MAD1L1: variants seen among roughly 807,000 people sequenced by gnomAD.
The protein encoded by MAD1L1 is mitotic spindle assembly checkpoint protein MAD1.
In MAD1L1, 95 loss-of-function variants were observed where a neutral mutation model predicts 96.9. The ratio of observed to expected loss-of-function variants is 0.98; its 90% CI spans 0.83 to 1.16. MAD1L1 has a LOEUF of 1.16. MAD1L1 is among the 50% of genes most tolerant of loss of function. MAD1L1 has a pLI of 0.00. For missense variants in MAD1L1, 1,007 were observed against 954.4 expected (o/e 1.06, Z -0.73); for synonymous variants, 473 against 396.6 (o/e 1.19, Z -2.29).
At chr7:2,168,487 C>T (rs1197812698) in intron 10 of MAD1L1, among the ~76,000 whole-genome samples, 1 of 152,262 alleles carries the variant, frequency 6.6e-6, no homozygotes, top group Non-Finnish European at 1.5e-5. Flanking sequence ...AGCCATGCAC[C>T]TGCAGGCCTG....
chr7:1,878,574 A>G (rs1785506268), intron 18 of MAD1L1, among the ~76,000 whole-genome samples: 1 of 151,376 alleles, frequency 6.6e-6, no homozygotes, highest in Non-Finnish European at 1.5e-5. Context: ...AATAGATGTA[A>G]AAAAAAAAAC....
intron 18 of MAD1L1, among the ~76,000 whole-genome samples, chr7:1,822,116 C>G (rs112588338): frequency 6.6e-6 from 1 of 152,068 alleles, no homozygotes; most frequent in South Asian, 2.1e-4. Flanking sequence ...AGTGAGTCCA[C>G]GAAGGTTGCA....
At chr7:2,180,635 A>T (rs2128600746) in intron 10 of MAD1L1, among the ~76,000 whole-genome samples, 1 of 152,340 alleles carries the variant, frequency 6.6e-6, no homozygotes, top group Admixed American at 6.5e-5. Flanking sequence ...CCAATGAGAA[A>T]ATTAGACAAA....
chr7:1,826,124 G>A (rs557174517), intron 18 of MAD1L1, among the ~76,000 whole-genome samples: 36 of 152,260 alleles, frequency 2.4e-4, no homozygotes, highest in South Asian at 6.2e-4. Context: ...CTGTTAGACC[G>A]GGATACCGAG....
intron 18 of MAD1L1, among the ~76,000 whole-genome samples, chr7:1,889,293 C>G (rs1233844432): frequency 6.6e-6 from 1 of 152,248 alleles, no homozygotes; most frequent in Non-Finnish European, 1.5e-5. Context: ...AAGACCACCT[C>G]CATTCAGCAA....
chr7:1,869,197 G>T (rs978730619), intron 18 of MAD1L1, among the ~76,000 whole-genome samples: 38 of 152,240 alleles, frequency 2.5e-4, no homozygotes, highest in African/African-American at 8.7e-4. Context: ...AGGCACACAC[G>T]CTGCTGTGGG....
At position 2,215,933 on chromosome 7, in the gene MAD1L1, G is replaced by A; in HGVS notation, c.876C>T (p.Arg292=). The A allele has an allele frequency of 6.2e-7, 1 of 1,614,128 alleles. No individual in the cohort carries two copies. Among genetic ancestry groups the A allele is most frequent in the African/African-American group, 1.3e-5 (1 of 75,034 alleles). ...ELEGLQRKLG[R]QEKMQETLVG... is the part of the protein sequence containing the mutation. ...CCAGCGTCTCCTGCATCTTCTCCTG[G>A]CGCCCCAGCTTCCTCTGCAGCCCTT... Residue 292 remains arginine, a synonymous_variant, in exon 9 of 19, where the codon CGC becomes CGT. Coordinates refer to ENST00000265854, the MANE Select transcript of MAD1L1 (RefSeq NM_001013836.2).
rs908938891 is a variant in MAD1L1 at position 1,824,606 on chromosome 7, C to T, written c.1999-8378G>A. 2.6e-5 allele frequency among the ~76,000 whole-genome samples: 4 copies of T among 152,308 alleles called. No individual in the cohort carries two copies. In the East Asian group the frequency reaches 7.7e-4, roughly 29 times the overall value. On this transcript the variant is annotated intron_variant, in intron 18 of 18. Coordinates refer to ENST00000265854, the MANE Select transcript of MAD1L1 (RefSeq NM_001013836.2). The stretch of plus-strand genomic sequence containing the variant: ...ACTGGTTGTCTGCCAGGCCCCGGAG[C>T]CCCCAGGCTTCCCACAGAGGCTCCC...
chr7:1,827,765 C>T lies in MAD1L1; in HGVS notation c.1999-11537G>A, dbSNP rs1199463482. ...GGGTCCTCCCCTCCTGAGCCCGTCCCGGGTGTGGGGTCCTCCCCTCCTGAG... is the reference window on the plus strand; with the variant it reads ...GGGTCCTCCCCTCCTGAGCCCGTCCTGGGTGTGGGGTCCTCCCCTCCTGAG... On this transcript the variant is annotated intron_variant, in intron 18 of 18. Transcript: ENST00000265854. Among the ~76,000 whole-genome samples, 3 of 130,632 alleles carry T rather than the reference C, an allele frequency of 2.3e-5. No homozygotes were observed. The South Asian group carries it at 7.8e-4, about 34-fold the overall frequency. 85.7% of individuals were successfully genotyped at this position (130,632 alleles called of 152,430 possible). A position where few individuals can be genotyped will look rare whatever the true frequency, so the allele number is the denominator to read the frequency against.
At chr7:2,187,585 C>T (rs1345108071) in intron 10 of MAD1L1, among the ~76,000 whole-genome samples, 2 of 152,288 alleles carry the variant, frequency 1.3e-5, no homozygotes, top group African/African-American at 4.8e-5. Flanking sequence ...CCTCCCACCT[C>T]AACTTTCCGA....
chr7:1,936,810 T>C lies in MAD1L1; in HGVS notation c.1684A>G (p.Ser562Gly). 1.9e-6 allele frequency: 3 copies of C among 1,598,506 alleles called. No homozygotes were observed. The highest frequency in any genetic ancestry group is 2.6e-6 in the Non-Finnish European group (3 of 1,173,500). ...CGCTCGCACTCCGCCTGCAGCTGGC[T>C]GTGGTCCTCGCGCAGGCGCTGCCTG... Reference protein sequence around the residue: ...VARQRLREDHSQLQAECERLR... With the variant: ...VARQRLREDHGQLQAECERLR... The change falls in exon 17 of 19, where the codon AGC becomes GGC. Residue 562 changes from serine (S) to glycine (G), a missense_variant. By Grantham distance (56) the Ser-to-Gly change is moderately conservative. Coordinates refer to ENST00000265854, the MANE Select transcript of MAD1L1 (RefSeq NM_001013836.2).
At chr7:2,044,381 C>T (rs184554689) in intron 12 of MAD1L1, among the ~76,000 whole-genome samples, 1 of 152,300 alleles carries the variant, frequency 6.6e-6, no homozygotes, top group East Asian at 1.9e-4. Flanking sequence ...CCTGAGAGGA[C>T]GCTCCTGCCA....
intron 16 of MAD1L1, among the ~76,000 whole-genome samples, chr7:1,938,058 ACGG>A (rs1562541346): frequency 0.033 from 28 of 850 alleles, 7 homozygotes; most frequent in South Asian, 0.3. Context: ...TCAGCCGCCC[ACGG>A]CAGGGAGGTG....
intron 17 of MAD1L1, among the ~76,000 whole-genome samples, chr7:1,906,530 C>G (rs771631797): frequency 6.6e-6 from 1 of 152,260 alleles, no homozygotes; most frequent in Non-Finnish European, 1.5e-5. Flanking sequence ...GTCTCTGGCT[C>G]CTGTTCTCCG....
At position 1,815,921 on chromosome 7, in the gene MAD1L1, C is replaced by T. The variant is rs551628694; in HGVS notation, c.*149G>A. 9.2e-5 allele frequency: 88 copies of T among 954,950 alleles called. No homozygotes were observed. The East Asian group carries it at 9.5e-4, about 10-fold the overall frequency. The allele number at this position is 954,950 out of a possible 1,614,324, so 59.2% of individuals were successfully genotyped here. On this transcript the variant is annotated 3_prime_UTR_variant, in exon 19 of 19. Coordinates refer to ENST00000265854, the MANE Select transcript of MAD1L1 (RefSeq NM_001013836.2). ...GTGCTGGCCGCCCCAGCAGGAAGCC[C>T]GACGTAGGTCCCAGCGTGTCTGTCA...
intron 11 of MAD1L1, among the ~76,000 whole-genome samples, chr7:2,090,170 G>C (rs1488686661): frequency 1.3e-5 from 2 of 152,230 alleles, no homozygotes; most frequent in Non-Finnish European, 2.9e-5. Context: ...AAAGGCTAGT[G>C]CCGAGCAGGC....
intron 13 of MAD1L1, among the ~76,000 whole-genome samples, chr7:2,012,751 C>T (rs2128497468): frequency 6.6e-6 from 1 of 152,296 alleles, no homozygotes; most frequent in East Asian, 1.9e-4. Flanking sequence ...GTTCCAGGGC[C>T]CTTCGGCGTG....
At chr7:1,988,779 G>A (rs926029486) in intron 14 of MAD1L1, among the ~76,000 whole-genome samples, 5 of 152,188 alleles carry the variant, frequency 3.3e-5, no homozygotes, top group Non-Finnish European at 5.9e-5. Flanking sequence ...GGCCCTGCGT[G>A]TGCTCCGGGC....
Position 2,142,045 on chromosome 7 carries a change from G to A in MAD1L1, c.1073+7107C>T, listed in dbSNP as rs1462624125. On this transcript the variant is annotated intron_variant, in intron 11 of 18. Coordinates refer to ENST00000265854, the MANE Select transcript of MAD1L1 (RefSeq NM_001013836.2). The surrounding 1 kb of genome is among the most constrained non-coding windows in gnomAD (Gnocchi z 4.7). Reference sequence around the variant, plus strand: ...GTCACCTTGAGCAGCGCACTCTGGGGCACCTGACTCACTGAGGGGTCCATG... The same window carrying A: ...GTCACCTTGAGCAGCGCACTCTGGGACACCTGACTCACTGAGGGGTCCATG... Among the ~76,000 whole-genome samples, 2 of 152,212 alleles carry A rather than the reference G, an allele frequency of 1.3e-5. No homozygotes were observed. The highest frequency in any genetic ancestry group is 2.4e-5 in the African/African-American group (1 of 41,454).
Sources: gnomAD v4.1 joint callset for allele counts (sites outside exome capture counted in the v4.1 genomes callset) on GRCh38, gnomAD v4.1.1 for gene constraint, Gnocchi (gnomAD v3.1) non-coding constraint, MANE v1.5 for transcripts, NCBI Gene and HGNC (gene_info 2026-07-23, HGNC 2026-07-21) for gene names.